Variants in MYH2 observed in about 807,000 individuals in gnomAD.
MYH2 encodes the protein myosin heavy chain 2.
Under a neutral mutation model 228.1 loss-of-function variants are expected in MYH2, and 139 were observed. The observed-to-expected ratio is 0.61, with a 90% CI of 0.53 to 0.70. MYH2 has a LOEUF of 0.70. Among genes scored for constraint, MYH2 ranks in the 30% least tolerant of loss-of-function variants. MYH2 has a pLI of 0.00. For missense variants in MYH2, 1,809 were observed against 2,357.5 expected (o/e 0.77, Z 4.82); for synonymous variants, 796 against 871.1 (o/e 0.91, Z 1.52).
rs2073359994 is a variant in MYH2, at chr17:10,526,740, A to G, written c.4046T>C (p.Leu1349Pro). 1 of 1,614,086 alleles carries G rather than the reference A, an allele frequency of 6.2e-7. No homozygotes were observed. Residue 1349 changes from leucine (L) to proline (P), a missense_variant, in exon 30 of 40, where the codon CTG becomes CCG. Around this residue, in one of 9 missense-constraint regions of MYH2, gnomAD observed 636 missense variants for 729.9 expected, o/e 0.87. Coordinates refer to ENST00000245503, the MANE Select transcript of MYH2 (RefSeq NM_017534.6). ...CTGCTCCTCCTCATACTGTTCCCGC[A>G]GCAGGTCACAGTCGTGGCGGGAAGA... Reference protein sequence around the residue: ...LQSSRHDCDLLREQYEEEQES... With the variant: ...LQSSRHDCDLPREQYEEEQES...
intron 10 of MYH2, among the ~76,000 whole-genome samples, chr17:10,541,463 G>A (rs571765589): frequency 1.1e-4 from 16 of 152,242 alleles, no homozygotes; most frequent in East Asian, 7.7e-4. Flanking sequence ...TAATCAGACC[G>A]GTTGTCTGCT....
intron 16 of MYH2, 107 bp from the exon 17 acceptor site, chr17:10,536,713 T>C: frequency 9.9e-7 from 1 of 1,010,932 alleles, no homozygotes; most frequent in Non-Finnish European, 1.5e-6. Flanking sequence ...TCTACCCAGC[T>C]GGCCTCTCTG....
chr17:10,547,690 G>C (rs928239065), intron 3 of MYH2, 27 bp downstream of exon 3: 9 of 1,613,990 alleles, frequency 5.6e-6, no homozygotes, highest in Non-Finnish European at 6.8e-6. Context: ...TCAATAAAAT[G>C]TGGCAAGCTC....
chr17:10,522,270 C>T (rs955054575), intron 39 of MYH2, among the ~76,000 whole-genome samples: 1 of 152,150 alleles, frequency 6.6e-6, no homozygotes, highest in African/African-American at 2.4e-5. Context: ...TTTATATCCT[C>T]CTAGAAAAAT....
rs1408403055 is a variant in MYH2 at position 10,524,804 on chromosome 17, C to T, written c.4924G>A (p.Ala1642Thr). The T allele has an allele frequency of 1.2e-6, 2 of 1,614,158 alleles. No individual in the cohort carries two copies. Among genetic ancestry groups the T allele is most frequent in the Admixed American group, 3.3e-5 (2 of 60,024 alleles). The change falls in exon 34 of 40, where the codon GCT becomes ACT. Residue 1642 changes from alanine to threonine, a missense_variant. Transcript: ENST00000245503. This position sits in a 1 kb window ranked among gnomAD's most constrained non-coding sequence, Gnocchi z 4.7. ...EIQLNHANRM[A>T]AEALRNYRNT... Reference sequence around the variant, plus strand: ...CTGTAGTTCCTCAGGGCCTCAGCAGCCATGCGGTTGGCATGGTTCAGCTGG... The same window carrying T: ...CTGTAGTTCCTCAGGGCCTCAGCAGTCATGCGGTTGGCATGGTTCAGCTGG...
chr17:10,527,779 A>C lies in MYH2; in HGVS notation c.3840T>G (p.Thr1280=). The C allele has an allele frequency of 6.2e-7, 1 of 1,614,156 alleles. No homozygotes were observed. Among genetic ancestry groups the C allele is most frequent in the Non-Finnish European group, 8.5e-7 (1 of 1,180,012 alleles). Residue 1280 remains threonine (T), a synonymous_variant, in exon 28 of 40, where the codon ACT becomes ACG. Coordinates refer to ENST00000245503, the MANE Select transcript of MYH2 (RefSeq NM_017534.6). The part of the protein sequence containing the change: ...EEQQRLINDL[T]AQRGRLQTES... ...CAGTCTGCAGGCGCCCCCTCTGCGC[A>C]GTCAGGTCATTGATCAGCCGCTGCT...
In MYH2 at chr17:10,521,334, G is replaced by A. The variant is rs757669070; in HGVS notation, c.5772C>T (p.Asn1924=). ...ERADIAESQV[N]KLRVKSREVH... ...CCTCCCGGCTCTTCACCCGCAGTTT[G>A]TTCACCTGGGACTCAGCAATGTCAG... The change falls in exon 40 of 40, where the codon AAC becomes AAT. Residue 1924 remains asparagine, a synonymous_variant. Transcript: ENST00000245503. The A allele has an allele frequency of 3.4e-5, 55 of 1,614,022 alleles. No homozygotes were observed. The highest frequency in any genetic ancestry group is 4.6e-5 in the Non-Finnish European group (54 of 1,180,028).
intron 27 of MYH2, 138 bp from the exon 28 acceptor site, chr17:10,528,012 T>C (rs2073375027): frequency 1.9e-6 from 2 of 1,052,506 alleles, no homozygotes; most frequent in Admixed American, 2.7e-5. Flanking sequence ...AATTATCTTA[T>C]ATGTAATGTA....
At chr17:10,535,711 A>C (rs967173739) in intron 17 of MYH2, among the ~76,000 whole-genome samples, 1 of 152,128 alleles carries the variant, frequency 6.6e-6, no homozygotes, top group Non-Finnish European at 1.5e-5. Flanking sequence ...TCTTCTACCA[A>C]ATTCCATAGT....
In MYH2 at chr17:10,527,850, T is replaced by A. The variant is rs770455023; in HGVS notation, c.3769A>T (p.Thr1257Ser). The A allele has an allele frequency of 1.2e-6, 2 of 1,613,578 alleles. No homozygotes were observed. Among genetic ancestry groups the A allele is most frequent in the East Asian group, 2.2e-5 (1 of 44,874 alleles). ...AKGNLEKMCR[T>S]LEDQLSELKS... is the part of the protein sequence containing the mutation. ...AGTTCACTCAGTTGGTCCTCTAGAGTCCGGCACATTTTCTCTAGGTTTCCC... is the reference window on the plus strand; with the variant it reads ...AGTTCACTCAGTTGGTCCTCTAGAGACCGGCACATTTTCTCTAGGTTTCCC... The change falls in exon 28 of 40, where the codon ACT (threonine) becomes TCT (serine). Residue 1257 changes from threonine (T) to serine (S), a missense_variant. Around this residue, in one of 9 missense-constraint regions of MYH2, gnomAD observed 636 missense variants for 729.9 expected, o/e 0.87. Coordinates refer to ENST00000245503, the MANE Select transcript of MYH2 (RefSeq NM_017534.6).
intron 39 of MYH2, among the ~76,000 whole-genome samples, chr17:10,522,724 T>G (rs1449084512): frequency 6.6e-6 from 1 of 152,104 alleles, no homozygotes; most frequent in African/African-American, 2.4e-5. Flanking sequence ...TAATAATTAT[T>G]TAGTAATTAT....
chr17:10,539,904 T>C lies in MYH2; in HGVS notation c.1147+24A>G, dbSNP rs777127310. On this transcript the variant is annotated intron_variant, in intron 12 of 39. Transcript: ENST00000245503. The stretch of plus-strand genomic sequence containing the variant: ...ATGTGATTTTCAAACAAATGCAAAA[T>C]CATGGGAGTGACTTAGTTGATACCT... 4 of 1,613,772 alleles carry C rather than the reference T, an allele frequency of 2.5e-6. No individual in the cohort carries two copies. The East Asian group carries it at 6.7e-5, about 27-fold the overall frequency.
At position 10,547,868 on chromosome 17, in the gene MYH2, C is replaced by G. The variant is rs747990808; in HGVS notation, c.53G>C (p.Arg18Pro). The change falls in exon 3 of 40, where the codon CGA (arginine) becomes CCA (proline). Residue 18 changes from arginine (R) to proline (P), a missense_variant. Physicochemically the swap from Arg to Pro is moderately radical, Grantham distance 103. Around this residue, in one of 9 missense-constraint regions of MYH2, gnomAD observed 84 missense variants for 81.8 expected, o/e 1.03. Transcript: ENST00000245503. ...AVFGEAAPFL[R>P]KSERERIEAQ... ...CTCAATGCGCTCCCTTTCAGACTTTCGGAGGAAAGGAGCAGCCTCCCCAAA... is the reference window on the plus strand; with the variant it reads ...CTCAATGCGCTCCCTTTCAGACTTTGGGAGGAAAGGAGCAGCCTCCCCAAA... The G allele has an allele frequency of 6.2e-7, 1 of 1,614,044 alleles. No individual in the cohort carries two copies. Among genetic ancestry groups the G allele is most frequent in the Non-Finnish European group, 8.5e-7 (1 of 1,180,034 alleles).
In MYH2 at chr17:10,542,871, T is replaced by C; in HGVS notation, c.904+4A>G. The C allele has an allele frequency of 6.4e-7, 1 of 1,567,994 alleles. No homozygotes were observed. The highest frequency in any genetic ancestry group is 1.1e-5 in the South Asian group (1 of 89,890). On this transcript the variant is annotated splice_donor_region_variant and intron_variant, in intron 10 of 39. Transcript: ENST00000245503. ...TTCTGGAAAAGAATTATGACATTTC[T>C]TACCAATAAGTTCTGGTTTCTTATT...
At chr17:10,532,943 T>C (rs1016716577) in intron 21 of MYH2, among the ~76,000 whole-genome samples, 1 of 152,218 alleles carries the variant, frequency 6.6e-6, no homozygotes, top group African/African-American at 2.4e-5. Flanking sequence ...GAGTATACTG[T>C]CTGTTTTGCA....
In MYH2 at chr17:10,521,168, A is replaced by G. The variant is rs981757816; in HGVS notation, c.*112T>C. On this transcript the variant is annotated 3_prime_UTR_variant, in exon 40 of 40. Transcript: ENST00000245503. The stretch of plus-strand genomic sequence containing the variant: ...AAGGATATTGTTTGCAAACTACCCT[A>G]TGCTTTATTTCCTTTGCAACAGGGT... 1 of 1,308,370 alleles carries G rather than the reference A, an allele frequency of 7.6e-7. No individual in the cohort carries two copies. The highest frequency in any genetic ancestry group is 1.1e-6 in the Non-Finnish European group (1 of 907,362). 81.0% of individuals were successfully genotyped at this position (1,308,370 alleles called of 1,614,324 possible). A position where few individuals can be genotyped will look rare whatever the true frequency, so the allele number is the denominator to read the frequency against.
chr17:10,536,918 C>T (rs1215707236), intron 16 of MYH2, among the ~76,000 whole-genome samples: 3 of 152,172 alleles, frequency 2.0e-5, no homozygotes. Flanking sequence ...GTTTGTCACT[C>T]TGTTGCCTAA....
chr17:10,527,647 GT>G, intron 28 of MYH2, 100 bp downstream of exon 28: 1 of 1,567,518 alleles, frequency 6.4e-7, no homozygotes, highest in Non-Finnish European at 8.7e-7. Context: ...AATCAGACAT[GT>G]TCTCAGCTGT....
chr17:10,541,758 C>G (rs1160232392), intron 10 of MYH2, among the ~76,000 whole-genome samples: 1 of 152,156 alleles, frequency 6.6e-6, no homozygotes, highest in East Asian at 1.9e-4. Context: ...TTTAAAATTT[C>G]TCTCTTTTGT....
Sources: allele counts gnomAD v4.1 joint callset (sites outside exome capture counted in the v4.1 genomes callset), GRCh38; gene constraint gnomAD v4.1.1; regional missense constraint gnomAD v4.1.1; non-coding constraint Gnocchi (gnomAD v3.1); transcripts MANE v1.5; gene names NCBI Gene and HGNC (gene_info 2026-07-23, HGNC 2026-07-21).